NRK: variants seen among roughly 807,000 people sequenced by gnomAD.
NRK encodes the protein Nik related kinase.
Under a neutral mutation model 125.2 loss-of-function variants are expected in NRK, and 67 were observed. The observed-to-expected ratio is 0.54, with a 90% CI of 0.44 to 0.66. The LOEUF is 0.66. Among genes scored for constraint, NRK ranks in the 30% least tolerant of loss-of-function variants. The pLI, the probability that NRK is intolerant of heterozygous loss-of-function variation, is 0.00. For synonymous variants in NRK, 458 were observed against 429.0 expected, an observed-to-expected ratio of 1.07 and a Z score of -0.84; for missense variants, 1,224 against 1,192.9, an observed-to-expected ratio of 1.03 and a Z score of -0.38.
chrX:105,928,989 G>A (rs935901307), intron 19 of NRK, among the ~76,000 whole-genome samples: 7 of 111,763 alleles, frequency 6.3e-5, no homozygotes. Context: ...ATAAATGTCT[G>A]TTAGGTTCAT....
chrX:105,830,921 A>G (rs112896753), intron 1 of NRK, 133 bp from the exon 2 acceptor site: 21 of 417,576 alleles, frequency 5.0e-5, no homozygotes, highest in African/African-American at 3.6e-4. Flanking sequence ...TGGCACATGT[A>G]TACATATGTA....
Position 105,912,759 on chromosome X carries a change from A to C in NRK, c.2349+4A>C. ...TTCAAATCCTAAAAAAATTGAGGTA[A>C]ATTTTTCAATATGAGTTGTTGTGAC... On this transcript the variant is annotated splice_donor_region_variant and intron_variant, in intron 14 of 28. Coordinates refer to ENST00000243300, the MANE Select transcript of NRK (RefSeq NM_198465.4). The C allele has an allele frequency of 1.1e-6, 1 of 914,887 alleles. No individual in the cohort carries two copies. Among genetic ancestry groups the C allele is most frequent in the Non-Finnish European group, 1.5e-6 (1 of 657,331 alleles). 75.4% of individuals were successfully genotyped at this position (914,887 alleles called of 1,213,427 possible).
chrX:105,868,199 C>T (rs1427013393), intron 2 of NRK, among the ~76,000 whole-genome samples: 1 of 111,406 alleles, frequency 9.0e-6, no homozygotes, highest in African/African-American at 3.3e-5. Flanking sequence ...GCTACTACCT[C>T]TATGCCTTTG....
chrX:105,889,245 A>T (rs961943034), intron 5 of NRK, among the ~76,000 whole-genome samples: 1 of 112,758 alleles, frequency 8.9e-6, no homozygotes, highest in Non-Finnish European at 1.9e-5. Flanking sequence ...TTAAAGTTCC[A>T]AAATGATCTC....
intron 2 of NRK, among the ~76,000 whole-genome samples, chrX:105,839,790 C>T (rs147493073): frequency 1.7e-3 from 189 of 110,668 alleles, no homozygotes; most frequent in African/African-American, 5.2e-3. Flanking sequence ...TGACCGTGAC[C>T]GCTTTATTTG....
intron 1 of NRK, among the ~76,000 whole-genome samples, chrX:105,826,423 G>A (rs1267114311): frequency 2.3e-5 from 2 of 86,636 alleles, no homozygotes; most frequent in Non-Finnish European, 4.3e-5. Context: ...TTCCTAGTAT[G>A]CCTGTGTCCT....
intron 2 of NRK, among the ~76,000 whole-genome samples, chrX:105,876,237 G>T (rs1425178941): frequency 9.1e-6 from 1 of 110,409 alleles, no homozygotes; most frequent in Non-Finnish European, 1.9e-5. Flanking sequence ...ACAATATATT[G>T]TTATAAATAT....
chrX:105,831,856 C>T (rs753309979), intron 2 of NRK, among the ~76,000 whole-genome samples: 13 of 111,660 alleles, frequency 1.2e-4, no homozygotes, highest in Non-Finnish European at 2.1e-4. Flanking sequence ...TAAAAAAATG[C>T]GTAATGTACA....
intron 2 of NRK, among the ~76,000 whole-genome samples, chrX:105,877,233 C>G (rs982759606): frequency 6.3e-5 from 7 of 111,196 alleles, no homozygotes; most frequent in Non-Finnish European, 9.5e-5. Flanking sequence ...AATACTTGAC[C>G]AGTACTCTTT....
intron 14 of NRK, among the ~76,000 whole-genome samples, chrX:105,913,972 T>C (rs2040334208): frequency 9.0e-6 from 1 of 110,966 alleles, no homozygotes; most frequent in Non-Finnish European, 1.9e-5. Context: ...AGTTGTAGGT[T>C]TTCTTGTCTA....
intron 19 of NRK, among the ~76,000 whole-genome samples, chrX:105,925,441 T>G (rs1391218927): frequency 2.7e-5 from 3 of 111,546 alleles, no homozygotes; most frequent in South Asian, 3.7e-4. Flanking sequence ...ATCATTTTTT[T>G]TGTGTGTTGG....
intron 19 of NRK, 112 bp from the exon 20 acceptor site, chrX:105,934,146 T>C (rs1405330943): frequency 1.9e-5 from 8 of 430,003 alleles, no homozygotes; most frequent in Non-Finnish European, 3.2e-5. Context: ...TTTATAAGAA[T>C]GTAGATGTTA....
chrX:105,874,017 T>G lies in NRK; in HGVS notation c.124-6182T>G, dbSNP rs2039782746. Among the ~76,000 whole-genome samples, 2 of 112,220 alleles carry G rather than the reference T, an allele frequency of 1.8e-5. 1 individual carries two copies. The highest frequency in any genetic ancestry group is 3.8e-5 in the Non-Finnish European group (2 of 53,172). On this transcript the variant is annotated intron_variant, in intron 2 of 28. Transcript: ENST00000243300. The stretch of plus-strand genomic sequence containing the variant: ...ACAGTGATGTGCTTGATAACTACGC[T>G]TTAATGCCCTATTGTTTTTTTTCTG...
intron 22 of NRK, 23 bp downstream of exon 22, chrX:105,937,605 G>A (rs1457880481): frequency 8.8e-7 from 1 of 1,139,477 alleles, no homozygotes. Flanking sequence ...ACTAAAATTA[G>A]CTGAGTAATT....
At chrX:105,844,015 G>GTC (rs1389684265) in intron 2 of NRK, among the ~76,000 whole-genome samples, 7 of 77,928 alleles carry the variant, frequency 9.0e-5, no homozygotes, top group Admixed American at 2.5e-4. Flanking sequence ...GTGTGTGTGT[G>GTC]TGTCTGTGTG....
chrX:105,924,722 C>A lies in NRK; in HGVS notation c.3003C>A (p.Cys1001Ter). Residue 1001 changes from cysteine to a stop codon, truncating the protein, a stop_gained, in exon 19 of 29, where the codon TGC becomes TGA. Transcript: ENST00000243300. LOFTEE classifies it high-confidence loss of function. Reference sequence around the variant, plus strand: ...CAAGCTATGGCAGAGATGGAAGCTGCAAGCAAGATGGTTATGATGGAAGTC... The same window carrying A: ...CAAGCTATGGCAGAGATGGAAGCTGAAAGCAAGATGGTTATGATGGAAGTC... ...PRASYGRDGS[C>*]KQDGYDGSRG... The A allele has an allele frequency of 8.3e-7, 1 of 1,199,256 alleles. No homozygotes were observed. Among genetic ancestry groups the A allele is most frequent in the Non-Finnish European group, 1.1e-6 (1 of 889,088 alleles).
chrX:105,881,894 C>A, intron 4 of NRK, 115 bp downstream of exon 4: 1 of 440,560 alleles, frequency 2.3e-6, no homozygotes, highest in South Asian at 4.3e-5. Flanking sequence ...TAAAAGTGTT[C>A]TTGCCTGAAA....
chrX:105,834,246 A>G (rs1315516059), intron 2 of NRK, among the ~76,000 whole-genome samples: 1 of 111,873 alleles, frequency 8.9e-6, no homozygotes, highest in Non-Finnish European at 1.9e-5. Context: ...CACACTGTGT[A>G]TAAAATGTGG....
chrX:105,889,190 C>T (rs1302256832), intron 5 of NRK, among the ~76,000 whole-genome samples: 1 of 112,589 alleles, frequency 8.9e-6, no homozygotes, highest in Non-Finnish European at 1.9e-5. Context: ...AACGCAGGGG[C>T]TACAAGCCCC....
Sources: gnomAD v4.1 joint callset for allele counts (sites outside exome capture counted in the v4.1 genomes callset) on GRCh38, gnomAD v4.1.1 for gene constraint, MANE v1.5 for transcripts, NCBI Gene and HGNC (gene_info 2026-07-23, HGNC 2026-07-21) for gene names.